The following C1orf50 variants were observed in gnomAD, a reference collection of about 807,000 sequenced individuals.
C1orf50 encodes the protein chromosome 1 open reading frame 50.
A neutral mutation model predicts 23.3 loss-of-function variants in C1orf50; 22 were observed. The observed-to-expected ratio is 0.94, with a 90% CI of 0.67 to 1.35. C1orf50 has a LOEUF of 1.35. C1orf50 is among the 40% of genes most tolerant of loss of function. The pLI is 0.00. For synonymous variants in C1orf50, 96 were observed against 102.4 expected (o/e 0.94, Z 0.38); for missense variants, 271 against 249.4 (o/e 1.09, Z -0.58).
At position 42,774,662 on chromosome 1, in the gene C1orf50, T is replaced by C. The variant is rs1210615959; in HGVS notation, c.283-75T>C. 4.0e-6 allele frequency: 6 copies of C among 1,504,644 alleles called. No individual in the cohort carries two copies. The East Asian group carries it at 1.4e-4, about 34-fold the overall frequency. The allele number at this position is 1,504,644 out of a possible 1,614,324, so 93.2% of individuals were successfully genotyped here. A position where few individuals can be genotyped will look rare whatever the true frequency, so the allele number is the denominator to read the frequency against. ...CTAAGCACTGAATGGTTTCCAAATT[T>C]TAATTGGGATGATCACCAAATGTGG... is the stretch of plus-strand genomic sequence containing the variant. On this transcript the variant is annotated intron_variant, in intron 3 of 4. Coordinates refer to ENST00000372525, the MANE Select transcript of C1orf50 (RefSeq NM_024097.4).
chr1:42,777,228 T>G lies in C1orf50; in HGVS notation c.*1834T>G, dbSNP rs909797208. On this transcript the variant is annotated 3_prime_UTR_variant, in exon 5 of 5. Transcript: ENST00000372525. ...CTCCTGCCTCAGCCTCCTCAGTAGC[T>G]GAGATTACAGGCGCACGCCACCATG... 1 of 152,400 alleles carries G rather than the reference T, an allele frequency of 6.6e-6. No homozygotes were observed. Among genetic ancestry groups the G allele is most frequent in the African/African-American group, 2.4e-5 (1 of 41,458 alleles). 9.4% of individuals were successfully genotyped at this position (152,400 alleles called of 1,614,324 possible). A position where few individuals can be genotyped will look rare whatever the true frequency, so the allele number is the denominator to read the frequency against.
chr1:42,775,422 A>G lies in C1orf50; in HGVS notation c.*28A>G, dbSNP rs1653316691. ...GTGGGCTTTGACAAACAGCTCTCAC[A>G]GGACCTGGCTGTCAACCTCCTTGTT... is the stretch of plus-strand genomic sequence containing the variant. On this transcript the variant is annotated 3_prime_UTR_variant, in exon 5 of 5. Coordinates refer to ENST00000372525, the MANE Select transcript of C1orf50 (RefSeq NM_024097.4). The G allele has an allele frequency of 1.3e-6, 2 of 1,544,288 alleles. No individual in the cohort carries two copies. The highest frequency in any genetic ancestry group is 1.7e-5 in the Admixed American group (1 of 58,466).
chr1:42,769,973 T>C (rs1653182482), intron 2 of C1orf50: 1 of 152,284 alleles, frequency 6.6e-6, no homozygotes. Context: ...GTTTATTATC[T>C]GTGAAACCTT....
At position 42,767,352 on chromosome 1, in the gene C1orf50, T is replaced by G. The variant is rs1653088500; in HGVS notation, c.41T>G (p.Leu14Arg). The stretch of plus-strand genomic sequence containing the variant: ...GCGCCGGGGCGGACCGAGGGGGTCC[T>G]TGAAAGGCAAGGAGCGCCGCCAGCT... ...AAAPGRTEGV[L>R]ERQGAPPAAG... Residue 14 changes from leucine to arginine, a missense_variant, in exon 1 of 5, where the codon CTT (leucine) becomes CGT (arginine). By Grantham distance (102) the Leu-to-Arg change is moderately radical (BLOSUM62 -2). Transcript: ENST00000372525. 2.6e-6 allele frequency: 4 copies of G among 1,537,534 alleles called. No homozygotes were observed. The highest frequency in any genetic ancestry group is 3.5e-6 in the Non-Finnish European group (4 of 1,146,578).
intron 2 of C1orf50, chr1:42,769,626 G>A (rs1653173680): frequency 6.6e-6 from 1 of 151,568 alleles, no homozygotes; most frequent in South Asian, 2.1e-4. Context: ...GGTGGATCAC[G>A]AGATCAGGAA....
At chr1:42,772,379 A>G (rs1401575870) in intron 2 of C1orf50, among the ~76,000 whole-genome samples, 2 of 152,194 alleles carry the variant, frequency 1.3e-5, no homozygotes, top group East Asian at 3.8e-4. Flanking sequence ...TTTTCTTAAA[A>G]GTAAGGTGGA....
chr1:42,773,501 TAAG>T, intron 2 of C1orf50, 59 bp from the exon 3 acceptor site: 1 of 1,029,568 alleles, frequency 9.7e-7, no homozygotes, highest in South Asian at 1.4e-5. Context: ...GGGATCAAGA[TAAG>T]AACATCATAG....
rs558789313 is a variant in C1orf50, at chr1:42,772,982, G to A, written c.196-581G>A. Reference sequence around the variant, plus strand: ...TAACTGAGGAAATGGTCAGATTAACGCATACTTTCTCAGTTCAGGGGGTGT... The same window carrying A: ...TAACTGAGGAAATGGTCAGATTAACACATACTTTCTCAGTTCAGGGGGTGT... On this transcript the variant is annotated intron_variant, in intron 2 of 4. Coordinates refer to ENST00000372525, the MANE Select transcript of C1orf50 (RefSeq NM_024097.4). 1.0e-3 allele frequency among the ~76,000 whole-genome samples: 152 copies of A among 152,246 alleles called. 1 individual carries two copies. The highest frequency in any genetic ancestry group is 1.2e-3 in the South Asian group (6 of 4,828).
In C1orf50 at chr1:42,767,632, G is replaced by A. The variant is rs376749190; in HGVS notation, c.195+8G>A. The A allele has an allele frequency of 1.5e-4, 245 of 1,603,798 alleles. No homozygotes were observed. The highest frequency in any genetic ancestry group is 8.3e-4 in the Middle Eastern group (5 of 6,060). ...GCAGAGCAGGTGCAGAAGGTGAGGA[G>A]GCGCGGCCGGGGCAGCGAATAACCA... On this transcript the variant is annotated splice_region_variant and intron_variant, in intron 2 of 4. Transcript: ENST00000372525.
intron 2 of C1orf50, chr1:42,769,879 G>A (rs1653181010): frequency 6.6e-6 from 1 of 152,176 alleles, no homozygotes; most frequent in South Asian, 2.1e-4. Flanking sequence ...ACTGACCCAG[G>A]TATTGGTGTG....
intron 3 of C1orf50, among the ~76,000 whole-genome samples, 175 bp downstream of exon 3, chr1:42,773,824 C>CTGTT (rs748260374): frequency 2.6e-5 from 4 of 151,974 alleles, no homozygotes; most frequent in Admixed American, 6.6e-5. Context: ...TTTTGTTTGT[C>CTGTT]TGTTTGTTTG....
At chr1:42,774,988 T>G in intron 4 of C1orf50, 120 bp downstream of exon 4, 1 of 1,279,996 alleles carries the variant, frequency 7.8e-7, no homozygotes, top group Non-Finnish European at 1.1e-6. Context: ...GGGGGTGATG[T>G]GAGCCCAGAC....
intron 3 of C1orf50, among the ~76,000 whole-genome samples, chr1:42,774,009 G>A (rs756660566): frequency 1.3e-5 from 2 of 152,114 alleles, no homozygotes; most frequent in Admixed American, 6.5e-5. Context: ...TTTTAGTAGA[G>A]ATGGGGTTTT....
chr1:42,767,465 G>A (rs1031537124), intron 1 of C1orf50, 44 bp from the exon 2 acceptor site: 3 of 1,555,198 alleles, frequency 1.9e-6, no homozygotes, highest in Middle Eastern at 3.4e-4. Flanking sequence ...GCGGGAGGCC[G>A]ACGGCGGGAG....
In C1orf50 at chr1:42,772,205, A is replaced by G. The variant is rs367651235; in HGVS notation, c.196-1358A>G. On this transcript the variant is annotated intron_variant, in intron 2 of 4. Transcript: ENST00000372525. ...TAATATACATCTGTGGGACAGATAA[A>G]TGACTCAGTTTACTTGTGTGGTTTC... Among the ~76,000 whole-genome samples, 14 of 152,298 alleles carry G rather than the reference A, an allele frequency of 9.2e-5. No individual in the cohort carries two copies. The East Asian group carries it at 2.7e-3, about 29-fold the overall frequency.
At chr1:42,773,739 G>A in intron 3 of C1orf50, 90 bp downstream of exon 3, 4 of 776,876 alleles carry the variant, frequency 5.1e-6, no homozygotes, top group Non-Finnish European at 2.2e-6. Context: ...GACTTTTTAT[G>A]TCTTTAATAC....
Position 42,770,877 on chromosome 1 carries a change from C to CT in C1orf50, c.196-2676dup, listed in dbSNP as rs150550494. Among the ~76,000 whole-genome samples, 21 of 150,802 alleles carry CT rather than the reference C, an allele frequency of 1.4e-4. No homozygotes were observed. In the South Asian group the frequency reaches 1.9e-3, roughly 14 times the overall value. On this transcript the variant is annotated intron_variant, in intron 2 of 4. Coordinates refer to ENST00000372525, the MANE Select transcript of C1orf50 (RefSeq NM_024097.4). ...TGCACTGGCCTCAAATGCCTGCAAA[C>CT]TTTTTTTTTTCCAGCTTTTTTCATG... is the stretch of plus-strand genomic sequence containing the variant.
At chr1:42,775,153 A>C (rs569386399) in intron 4 of C1orf50, 56 bp from the exon 5 acceptor site, 2 of 1,474,296 alleles carry the variant, frequency 1.4e-6, no homozygotes, top group African/African-American at 2.8e-5. Flanking sequence ...TTAGGAAATG[A>C]GCTCAGTTTG....
chr1:42,776,885 G>A lies in C1orf50; in HGVS notation c.*1491G>A, dbSNP rs1239644459. On this transcript the variant is annotated 3_prime_UTR_variant, in exon 5 of 5. Transcript: ENST00000372525. ...ATTAGTTACAGATAAACAAATTACT[G>A]CAAACTTAATGGTTTAAAGCAACAC... 2.6e-5 allele frequency: 4 copies of A among 152,242 alleles called. No individual in the cohort carries two copies. The East Asian group carries it at 7.7e-4, about 29-fold the overall frequency. The allele number at this position is 152,242 out of a possible 1,614,324, so 9.4% of individuals were successfully genotyped here.
Sources: gnomAD v4.1 joint callset for allele counts (sites outside exome capture counted in the v4.1 genomes callset) on GRCh38, gnomAD v4.1.1 for gene constraint, MANE v1.5 for transcripts, NCBI Gene and HGNC (gene_info 2026-07-23, HGNC 2026-07-21) for gene names.